Variants in MAGI2 observed in about 807,000 individuals in gnomAD.
MAGI2 encodes membrane-associated guanylate kinase, WW and PDZ domain-containing protein 2.
MAGI2 carries 35 observed loss-of-function variants against 133.3 expected under a neutral mutation model. The observed-to-expected ratio is 0.26, with a 90% CI of 0.20 to 0.35. MAGI2 has a LOEUF of 0.35. Ranked by LOEUF, MAGI2 falls within the 10% of genes least tolerant of loss-of-function variation. The pLI, the probability that MAGI2 is intolerant of heterozygous loss-of-function variation, is 1.00. For missense variants in MAGI2, 1,636 were observed against 1,863.4 expected (o/e 0.88, Z 2.25); for synonymous variants, 729 against 710.6 (o/e 1.03, Z -0.41).
At chr7:79,315,184 G>A (rs1838610256) in intron 1 of MAGI2, among the ~76,000 whole-genome samples, 1 of 147,522 alleles carries the variant, frequency 6.8e-6, no homozygotes, top group Non-Finnish European at 1.5e-5. Flanking sequence ...TTTTTAAGGT[G>A]AAGTCTCGCT....
At chr7:79,067,577 C>T (rs1349586013) in intron 1 of MAGI2, among the ~76,000 whole-genome samples, 2 of 152,144 alleles carry the variant, frequency 1.3e-5, no homozygotes, top group African/African-American at 2.4e-5. Context: ...TCCTCTTTTC[C>T]TAATTGAATA....
chr7:78,627,208 G>A lies in MAGI2; in HGVS notation c.450C>T (p.Val150=). The A allele has an allele frequency of 1.1e-5, 18 of 1,583,594 alleles. No homozygotes were observed. Among genetic ancestry groups the A allele is most frequent in the Admixed American group, 1.8e-5 (1 of 56,252 alleles). The change falls in exon 3 of 22, where the codon GTC becomes GTT. Residue 150 remains valine, a synonymous_variant. Coordinates refer to ENST00000354212, the MANE Select transcript of MAGI2 (RefSeq NM_012301.4). ...CTTRPHKEGE[V]PGVDYIFITV... ...TGATGAAAATATAATCCACTCCAGG[G>A]ACCTCACCCTCCTTATGTGGCCTTG...
chr7:79,318,385 A>G (rs923883983), intron 1 of MAGI2, among the ~76,000 whole-genome samples: 3 of 150,788 alleles, frequency 2.0e-5, no homozygotes, highest in African/African-American at 7.5e-5. Context: ...AAAAATTAAG[A>G]AAAGGAAAGC....
In MAGI2 at chr7:78,919,010, A is replaced by G. The variant is rs140290935; in HGVS notation, c.418+88080T>C. ...AAAATGTATATTAGATTCTGATGCAATAGTTGTCCCTCTTTTAAGAAACTT... is the reference window on the plus strand; with the variant it reads ...AAAATGTATATTAGATTCTGATGCAGTAGTTGTCCCTCTTTTAAGAAACTT... On this transcript the variant is annotated intron_variant, in intron 2 of 21. Coordinates refer to ENST00000354212, the MANE Select transcript of MAGI2 (RefSeq NM_012301.4). Among the ~76,000 whole-genome samples, 680 of 152,262 alleles carry G rather than the reference A, an allele frequency of 4.5e-3. 7 individuals carry two copies. Among genetic ancestry groups the G allele is most frequent in the African/African-American group, 0.016 (659 of 41,570 alleles).
intron 2 of MAGI2, among the ~76,000 whole-genome samples, chr7:78,918,009 T>G (rs1798932728): frequency 6.6e-6 from 1 of 152,048 alleles, no homozygotes; most frequent in Admixed American, 6.6e-5. Context: ...TTCAAGAGTT[T>G]TTATAGAGCT....
At chr7:78,092,675 T>C (rs1300169924) in intron 20 of MAGI2, among the ~76,000 whole-genome samples, 2 of 152,210 alleles carry the variant, frequency 1.3e-5, no homozygotes, top group East Asian at 1.9e-4. Flanking sequence ...CTCTGGTTTA[T>C]TGTAGCTTTG....
chr7:79,176,958 C>G (rs1009798573), intron 1 of MAGI2: 1 of 151,944 alleles, frequency 6.6e-6, no homozygotes, highest in Admixed American at 6.6e-5. Flanking sequence ...CAAACTGAAC[C>G]TTGTTTTTGA....
chr7:79,261,857 CT>C (rs1352851928), intron 1 of MAGI2, among the ~76,000 whole-genome samples: 2 of 152,144 alleles, frequency 1.3e-5, no homozygotes, highest in African/African-American at 4.8e-5. Flanking sequence ...TTCTATTCCC[CT>C]ATCTTAATCA....
At chr7:79,077,412 T>A (rs1815569789) in intron 1 of MAGI2, among the ~76,000 whole-genome samples, 1 of 148,618 alleles carries the variant, frequency 6.7e-6, no homozygotes. Flanking sequence ...AAAAAAAAAA[T>A]TAGCCAGGCG....
intron 2 of MAGI2, among the ~76,000 whole-genome samples, chr7:78,656,763 G>A (rs774954832): frequency 2.0e-5 from 3 of 151,632 alleles, no homozygotes; most frequent in Non-Finnish European, 2.9e-5. Flanking sequence ...AAATAATCAC[G>A]TTTTACATCT....
At chr7:78,420,944 G>C (rs1798737859) in intron 6 of MAGI2, among the ~76,000 whole-genome samples, 1 of 152,172 alleles carries the variant, frequency 6.6e-6, no homozygotes, top group Admixed American at 6.5e-5. Context: ...GAGTTGCACA[G>C]GTCAGAGGTA....
At chr7:79,074,246 C>T (rs1159745455) in intron 1 of MAGI2, among the ~76,000 whole-genome samples, 1 of 152,082 alleles carries the variant, frequency 6.6e-6, no homozygotes, top group African/African-American at 2.4e-5. Flanking sequence ...ATCAAATGTG[C>T]CTATGTAGCC....
intron 9 of MAGI2, among the ~76,000 whole-genome samples, chr7:78,268,593 G>C (rs1241761301): frequency 2.0e-5 from 3 of 152,040 alleles, no homozygotes; most frequent in Admixed American, 2.0e-4. Context: ...TACCCCTAGT[G>C]GGTTTGGGGT....
chr7:79,263,260 C>T (rs771064669), intron 1 of MAGI2, among the ~76,000 whole-genome samples: 4 of 152,082 alleles, frequency 2.6e-5, no homozygotes, highest in Admixed American at 6.6e-5. Flanking sequence ...AAATGCTTCA[C>T]GTTTATTTTA....
chr7:79,442,739 C>T (rs1243655611), intron 1 of MAGI2, among the ~76,000 whole-genome samples: 1 of 150,792 alleles, frequency 6.6e-6, no homozygotes, highest in Non-Finnish European at 1.5e-5. Flanking sequence ...TCAGCCTTCA[C>T]TCTTCACACA....
At chr7:78,583,794 AG>A (rs1437936902) in intron 3 of MAGI2, among the ~76,000 whole-genome samples, 3 of 152,210 alleles carry the variant, frequency 2.0e-5, no homozygotes, top group Non-Finnish European at 4.4e-5. Context: ...AGTACTGAAG[AG>A]AACAATCATG....
intron 6 of MAGI2, among the ~76,000 whole-genome samples, chr7:78,388,049 A>G (rs962768270): frequency 6.6e-6 from 1 of 152,198 alleles, no homozygotes; most frequent in Non-Finnish European, 1.5e-5. Flanking sequence ...TATGAAGTAA[A>G]AATCAAATTA....
chr7:78,882,706 C>T (rs1795971472), intron 2 of MAGI2, among the ~76,000 whole-genome samples: 1 of 152,044 alleles, frequency 6.6e-6, no homozygotes, highest in African/African-American at 2.4e-5. Flanking sequence ...GTTCCATGTA[C>T]ACAAATCAAT....
At chr7:78,402,839 C>T (rs1228160670) in intron 6 of MAGI2, among the ~76,000 whole-genome samples, 2 of 151,888 alleles carry the variant, frequency 1.3e-5, no homozygotes, top group African/African-American at 2.4e-5. Flanking sequence ...TTGGTATACA[C>T]AACATATGAA....
Sources: gnomAD v4.1 joint callset for allele counts (sites outside exome capture counted in the v4.1 genomes callset) on GRCh38, gnomAD v4.1.1 for gene constraint, MANE v1.5 for transcripts, NCBI Gene and HGNC (gene_info 2026-07-23, HGNC 2026-07-21) for gene names.